The following HTR1F variants were observed in gnomAD, a reference collection of about 807,000 sequenced individuals.
HTR1F encodes 5-hydroxytryptamine (serotonin) receptor 1F, G protein-coupled.
HTR1F carries 17 observed loss-of-function variants against 24.0 expected under a neutral mutation model. The observed-to-expected ratio is 0.71, with a 90% CI of 0.48 to 1.06. The LOEUF (loss-of-function observed/expected upper bound fraction) is 1.06, where lower values mean the gene tolerates loss of function less well. Among genes scored for constraint, HTR1F ranks in the 50% least tolerant of loss-of-function variants. The pLI, the probability that HTR1F is intolerant of heterozygous loss-of-function variation, is 0.00. For synonymous variants in HTR1F, 186 were observed against 156.8 expected, an observed-to-expected ratio of 1.19 and a Z score of -1.39; for missense variants, 391 against 427.8, an observed-to-expected ratio of 0.91 and a Z score of 0.76.
Position 87,920,029 on chromosome 3 carries a change from T to TTATATATATATATATATATATA in HTR1F, c.-42-70658_-42-70657insATATATATATATATATATATAT, listed in dbSNP as rs74326472. Among the ~76,000 whole-genome samples the TTATATATATATATATATATATA allele has an allele frequency of 1.4e-3, 203 of 141,944 alleles. 1 individual carries two copies. The highest frequency in any genetic ancestry group is 3.1e-3 in the African/African-American group (117 of 38,050). 93.1% of individuals were successfully genotyped at this position (141,944 alleles called of 152,430 possible). A position where few individuals can be genotyped will look rare whatever the true frequency, so the allele number is the denominator to read the frequency against. ...GTGTGGGAGAGATATATATGTAATA[T>TTATATATATATATATATATATA]TATATATATATATATATATATGATA... On this transcript the variant is annotated intron_variant, in intron 2 of 2. Coordinates refer to ENST00000319595, the MANE Select transcript of HTR1F (RefSeq NM_001322209.2).
intron 2 of HTR1F, among the ~76,000 whole-genome samples, chr3:87,952,139 A>G (rs1490302176): frequency 2.0e-5 from 3 of 152,024 alleles, no homozygotes; most frequent in Admixed American, 6.6e-5. Flanking sequence ...TTGAGTCCTG[A>G]TATCAATATT....
At chr3:87,974,141 C>T (rs1268287930) in intron 2 of HTR1F, among the ~76,000 whole-genome samples, 1 of 152,170 alleles carries the variant, frequency 6.6e-6, no homozygotes, top group Non-Finnish European at 1.5e-5. Flanking sequence ...CATGCAGAAG[C>T]CATGCCCAGA....
At chr3:87,872,462 G>C (rs1005607968) in intron 2 of HTR1F, among the ~76,000 whole-genome samples, 8 of 151,836 alleles carry the variant, frequency 5.3e-5, no homozygotes, top group African/African-American at 1.7e-4. Flanking sequence ...TAGAAAAAGT[G>C]ATACAAAATA....
At chr3:87,977,752 T>G (rs1353403606) in intron 2 of HTR1F, among the ~76,000 whole-genome samples, 1 of 131,328 alleles carries the variant, frequency 7.6e-6, no homozygotes, top group Non-Finnish European at 1.7e-5. Context: ...GAAATGACTT[T>G]CCTGAGCTCA....
At chr3:87,895,917 G>A (rs1706187994) in intron 2 of HTR1F, among the ~76,000 whole-genome samples, 2 of 152,192 alleles carry the variant, frequency 1.3e-5, no homozygotes, top group South Asian at 4.1e-4. Context: ...GGCAGGTGGT[G>A]TGATGAGTAA....
At chr3:87,842,995 C>A (rs1429283453) in intron 2 of HTR1F, among the ~76,000 whole-genome samples, 2 of 151,816 alleles carry the variant, frequency 1.3e-5, no homozygotes, top group Non-Finnish European at 1.5e-5. Context: ...ATAAAGGTTT[C>A]CCAGTTCGGA....
At chr3:87,943,656 T>C (rs143705235) in intron 2 of HTR1F, among the ~76,000 whole-genome samples, 13,164 of 151,950 alleles carry the variant, frequency 0.087, 455 homozygotes, top group African/African-American at 0.11. Flanking sequence ...TTTTACATAA[T>C]TGCGAGTTGT....
In HTR1F at chr3:87,990,963, G is replaced by A. The variant is rs780257027; in HGVS notation, c.214G>A (p.Val72Met). The change falls in exon 3 of 3, where the codon GTG becomes ATG. Residue 72 changes from valine to methionine, a missense_variant. Val to Met is a conservative substitution (Grantham distance 21, BLOSUM62 1). Transcript: ENST00000319595. ...TTCCCTTGCAGTCACAGATTTTCTT[G>A]TGGCTGTCCTGGTGATGCCCTTCAG... The part of the protein sequence containing the change: ...ICSLAVTDFL[V>M]AVLVMPFSIV... The A allele has an allele frequency of 1.2e-6, 2 of 1,614,174 alleles. No homozygotes were observed. The highest frequency in any genetic ancestry group is 2.2e-5 in the South Asian group (2 of 91,090).
intron 2 of HTR1F, among the ~76,000 whole-genome samples, chr3:87,826,507 C>G (rs1704464804): frequency 6.6e-6 from 1 of 152,142 alleles, no homozygotes; most frequent in Non-Finnish European, 1.5e-5. Context: ...CATAGCCAGC[C>G]TCTCCAGTTA....
intron 2 of HTR1F, among the ~76,000 whole-genome samples, chr3:87,856,123 T>C (rs1391334908): frequency 6.6e-6 from 1 of 152,102 alleles, no homozygotes; most frequent in African/African-American, 2.4e-5. Context: ...TTTATTATAA[T>C]ATATTGTTAC....
intron 2 of HTR1F, among the ~76,000 whole-genome samples, chr3:87,940,865 T>G (rs576391383): frequency 9.2e-5 from 14 of 152,220 alleles, no homozygotes; most frequent in Admixed American, 6.5e-4. Context: ...GCAGTGAGTA[T>G]GCCATTCATA....
rs1374842018 is a variant in HTR1F at position 87,920,035 on chromosome 3, A to ATG, written c.-42-70672_-42-70671insGT. On this transcript the variant is annotated intron_variant, in intron 2 of 2. Coordinates refer to ENST00000319595, the MANE Select transcript of HTR1F (RefSeq NM_001322209.2). ...GAGAGATATATATGTAATATTATATATATATATATATATATGATAGAATAC... is the reference window on the plus strand; with the variant it reads ...GAGAGATATATATGTAATATTATATATGTATATATATATATATGATAGAATAC... Among the ~76,000 whole-genome samples, 3 of 148,670 alleles carry ATG rather than the reference A, an allele frequency of 2.0e-5. No individual in the cohort carries two copies. The East Asian group carries it at 5.9e-4, about 29-fold the overall frequency.
intron 2 of HTR1F, among the ~76,000 whole-genome samples, chr3:87,983,898 CTCT>C (rs1705605650): frequency 6.6e-6 from 1 of 152,212 alleles, no homozygotes; most frequent in African/African-American, 2.4e-5. Context: ...CAGCACTACT[CTCT>C]TCAAGCTGTA....
chr3:87,911,072 G>A (rs1180594312), intron 2 of HTR1F, among the ~76,000 whole-genome samples: 2 of 151,786 alleles, frequency 1.3e-5, no homozygotes, highest in Non-Finnish European at 2.9e-5. Flanking sequence ...AACTAGAGAA[G>A]CAAAAGCAAA....
intron 2 of HTR1F, among the ~76,000 whole-genome samples, chr3:87,876,417 A>G (rs1705674051): frequency 6.6e-6 from 1 of 152,220 alleles, no homozygotes; most frequent in African/African-American, 2.4e-5. Flanking sequence ...TATTCATACA[A>G]GGGAATATTA....
At chr3:87,893,316 T>C (rs1706124265) in intron 2 of HTR1F, among the ~76,000 whole-genome samples, 1 of 152,250 alleles carries the variant, frequency 6.6e-6, no homozygotes, top group South Asian at 2.1e-4. Flanking sequence ...AGTACATGTA[T>C]GAGTCTGTTC....
intron 2 of HTR1F, among the ~76,000 whole-genome samples, chr3:87,828,605 TGAGTA>T (rs1455013645): frequency 2.0e-5 from 3 of 152,212 alleles, no homozygotes; most frequent in African/African-American, 7.2e-5. Context: ...AATTAGGCAC[TGAGTA>T]GAGTAGCCAG....
At chr3:87,903,838 C>T (rs917730255) in intron 2 of HTR1F, among the ~76,000 whole-genome samples, 85 of 152,220 alleles carry the variant, frequency 5.6e-4, no homozygotes, top group African/African-American at 1.9e-3. Flanking sequence ...ATGTTTATTG[C>T]GGCACTATTC....
chr3:87,928,015 C>A (rs77704941), intron 2 of HTR1F, among the ~76,000 whole-genome samples: 3,838 of 151,458 alleles, frequency 0.025, 215 homozygotes, highest in East Asian at 0.24. Flanking sequence ...CCTTAAATTA[C>A]CTGTACTAAT....
Sources: allele counts gnomAD v4.1 joint callset (sites outside exome capture counted in the v4.1 genomes callset), GRCh38; gene constraint gnomAD v4.1.1; transcripts MANE v1.5; gene names NCBI Gene and HGNC (gene_info 2026-07-23, HGNC 2026-07-21).